The following CPXM2 variants were observed in gnomAD, a reference collection of about 807,000 sequenced individuals.
The protein encoded by CPXM2 is inactive carboxypeptidase-like protein X2.
A neutral mutation model predicts 86.1 loss-of-function variants in CPXM2; 66 were observed. That is an observed-to-expected ratio of 0.77 (90% CI 0.63 to 0.94). CPXM2 has a LOEUF of 0.94. Among genes scored for constraint, CPXM2 ranks in the 40% least tolerant of loss-of-function variants. The pLI is 0.00. For synonymous variants in CPXM2, 388 were observed against 400.2 expected, an observed-to-expected ratio of 0.97 and a Z score of 0.36; for missense variants, 948 against 1,026.3, an observed-to-expected ratio of 0.92 and a Z score of 1.04.
intron 4 of CPXM2, among the ~76,000 whole-genome samples, chr10:123,801,755 T>A (rs75466788): frequency 6.6e-6 from 1 of 152,220 alleles, no homozygotes; most frequent in African/African-American, 2.4e-5. Flanking sequence ...GTTCTCCGTG[T>A]TCTTTCTTTC....
chr10:123,768,652 C>T lies in CPXM2; in HGVS notation c.1173G>A (p.Leu391=). ...ACTCCTGACACACGAACTGCACCAG[C>T]AGCAGCAGCAGCTCCCGGCCCAGCA... The part of the protein sequence containing the change: ...NEVLGRELLL[L]LVQFVCQEYL... Residue 391 remains leucine, a synonymous_variant, in exon 9 of 14, where the codon CTG becomes CTA. Coordinates refer to ENST00000241305, the MANE Select transcript of CPXM2 (RefSeq NM_198148.3). 1 of 1,613,466 alleles carries T rather than the reference C, an allele frequency of 6.2e-7. No individual in the cohort carries two copies. Among genetic ancestry groups the T allele is most frequent in the Admixed American group, 1.7e-5 (1 of 60,016 alleles).
intron 4 of CPXM2, among the ~76,000 whole-genome samples, chr10:123,826,826 G>T (rs969170056): frequency 6.6e-6 from 1 of 151,858 alleles, no homozygotes; most frequent in African/African-American, 2.4e-5. Context: ...GACAAATAAT[G>T]GTATTACATT....
intron 10 of CPXM2, 110 bp from the exon 11 acceptor site, chr10:123,762,279 G>A (rs1189631020): frequency 2.0e-6 from 3 of 1,464,226 alleles, no homozygotes; most frequent in African/African-American, 1.4e-5. Context: ...AATAATCTTA[G>A]TAAAGTTCAG....
chr10:123,857,052 C>T (rs954565003), intron 3 of CPXM2, among the ~76,000 whole-genome samples: 3 of 152,128 alleles, frequency 2.0e-5, no homozygotes, highest in Non-Finnish European at 4.4e-5. Context: ...GGGTCCTGGG[C>T]GCACAGGAAG....
intron 7 of CPXM2, chr10:123,777,744 C>T (rs1368508876): frequency 1.3e-5 from 2 of 152,824 alleles, no homozygotes; most frequent in South Asian, 2.1e-4. Flanking sequence ...ACAGCTGACC[C>T]CCTCTGCAAC....
At chr10:123,802,876 T>C (rs1425139928) in intron 4 of CPXM2, among the ~76,000 whole-genome samples, 1 of 152,188 alleles carries the variant, frequency 6.6e-6, no homozygotes, top group African/African-American at 2.4e-5. Flanking sequence ...TATCTCATTG[T>C]TGATTTATTT....
At chr10:123,751,600 G>A in intron 13 of CPXM2, 2 of 985,344 alleles carry the variant, frequency 2.0e-6, no homozygotes, top group Non-Finnish European at 2.4e-6. Flanking sequence ...TGAGCCGGGT[G>A]TCTGTCCAAC....
At chr10:123,768,269 T>C (rs951529082) in intron 9 of CPXM2, among the ~76,000 whole-genome samples, 5 of 151,966 alleles carry the variant, frequency 3.3e-5, no homozygotes, top group Admixed American at 1.3e-4. Context: ...TCCCAGCTAC[T>C]TAGGAGGCTG....
chr10:123,861,375 G>C (rs1848845544), intron 3 of CPXM2, among the ~76,000 whole-genome samples: 1 of 152,208 alleles, frequency 6.6e-6, no homozygotes, highest in African/African-American at 2.4e-5. Flanking sequence ...GCTAAGTTGA[G>C]AAAGAACAGA....
At chr10:123,811,930 C>T (rs1344875885) in intron 4 of CPXM2, among the ~76,000 whole-genome samples, 1 of 152,148 alleles carries the variant, frequency 6.6e-6, no homozygotes, top group Non-Finnish European at 1.5e-5. Flanking sequence ...GTAAGAATAG[C>T]AATGCCAAAT....
intron 2 of CPXM2, among the ~76,000 whole-genome samples, chr10:123,879,504 G>A (rs7903274): frequency 0.079 from 11,940 of 152,050 alleles, 803 homozygotes; most frequent in African/African-American, 0.18. Context: ...CCATAGTCAG[G>A]GGGGCACTAG....
chr10:123,936,649 C>T (rs981833887), intron 2 of CPXM2, among the ~76,000 whole-genome samples: 6 of 152,200 alleles, frequency 3.9e-5, no homozygotes, highest in African/African-American at 1.4e-4. Flanking sequence ...GGGGCAATGA[C>T]ATCATACAAC....
chr10:123,865,117 A>G lies in CPXM2; in HGVS notation c.404-2394T>C, dbSNP rs1302507126. Among the ~76,000 whole-genome samples, 3 of 152,236 alleles carry G rather than the reference A, an allele frequency of 2.0e-5. No homozygotes were observed. Among genetic ancestry groups the G allele is most frequent in the Non-Finnish European group, 2.9e-5 (2 of 68,028 alleles). ...TTCACCCCCTCCACCCACAGCACAG[A>G]TGATGACTTTGGTGGGGGAGCCCAG... On this transcript the variant is annotated intron_variant, in intron 2 of 13. Coordinates refer to ENST00000241305, the MANE Select transcript of CPXM2 (RefSeq NM_198148.3). The surrounding 1 kb of genome is among the most constrained non-coding windows in gnomAD (Gnocchi z 4.7).
chr10:123,916,362 G>C (rs907771803), intron 2 of CPXM2, among the ~76,000 whole-genome samples: 5 of 152,256 alleles, frequency 3.3e-5, no homozygotes, highest in African/African-American at 1.2e-4. Flanking sequence ...ATAAGGCTCT[G>C]GATTGTTCTG....
intron 9 of CPXM2, among the ~76,000 whole-genome samples, chr10:123,767,626 T>C (rs938689764): frequency 6.6e-6 from 1 of 152,246 alleles, no homozygotes; most frequent in Non-Finnish European, 1.5e-5. Flanking sequence ...TTGCATTTGA[T>C]AGGTACCCTT....
rs144008366 is a variant in CPXM2 at position 123,773,724 on chromosome 10, G to C, written c.979-2685C>G. On this transcript the variant is annotated intron_variant, in intron 7 of 13. Coordinates refer to ENST00000241305, the MANE Select transcript of CPXM2 (RefSeq NM_198148.3). ...GAGCATTGGGTCACCATGACAACAG[G>C]AATCATGGGGTTAAATGGTAGGAAA... Among the ~76,000 whole-genome samples the C allele has an allele frequency of 1.8e-3, 279 of 152,312 alleles. 2 individuals are homozygous for C. The highest frequency in any genetic ancestry group is 6.4e-3 in the African/African-American group (267 of 41,566).
chr10:123,853,908 A>AAAAG (rs767838767), intron 3 of CPXM2, among the ~76,000 whole-genome samples: 59 of 152,106 alleles, frequency 3.9e-4, no homozygotes, highest in South Asian at 8.3e-4. Context: ...CAGTCTCAAA[A>AAAAG]AAAGAAAGAA....
chr10:123,910,333 A>C (rs1031830840), intron 2 of CPXM2, among the ~76,000 whole-genome samples: 3 of 151,966 alleles, frequency 2.0e-5, no homozygotes, highest in Non-Finnish European at 4.4e-5. Flanking sequence ...TGGAGGTAGG[A>C]TTCTTTGTCA....
intron 6 of CPXM2, among the ~76,000 whole-genome samples, chr10:123,790,185 G>A (rs1488859460): frequency 1.3e-5 from 2 of 152,142 alleles, no homozygotes; most frequent in African/African-American, 4.8e-5. Context: ...GGGAAAGGTG[G>A]TTACAGAACA....
Sources: allele counts gnomAD v4.1 joint callset (sites outside exome capture counted in the v4.1 genomes callset), GRCh38; gene constraint gnomAD v4.1.1; non-coding constraint Gnocchi (gnomAD v3.1); transcripts MANE v1.5; gene names NCBI Gene and HGNC (gene_info 2026-07-23, HGNC 2026-07-21).